AMN1: variants seen among roughly 807,000 people sequenced by gnomAD.
AMN1 encodes protein AMN1 homolog.
In AMN1, 20 loss-of-function variants were observed where a neutral mutation model predicts 33.0. The observed-to-expected ratio is 0.61, with a 90% CI of 0.43 to 0.88. The LOEUF is 0.88. Among genes scored for constraint, AMN1 ranks in the 40% least tolerant of loss-of-function variants. AMN1 has a pLI of 0.00. For missense variants in AMN1, 246 were observed against 307.4 expected, an observed-to-expected ratio of 0.80 and a Z score of 1.49; for synonymous variants, 114 against 111.9, an observed-to-expected ratio of 1.02 and a Z score of -0.12.
At chr12:31,720,703 T>C (rs978418115) in intron 1 of AMN1, among the ~76,000 whole-genome samples, 7 of 152,250 alleles carry the variant, frequency 4.6e-5, no homozygotes, top group African/African-American at 1.7e-4. Flanking sequence ...ATTAGCATCA[T>C]GTTTTCAAGG....
chr12:31,672,214 A>G lies in AMN1; in HGVS notation c.*90T>C, dbSNP rs1951287497. On this transcript the variant is annotated 3_prime_UTR_variant, in exon 7 of 7. Coordinates refer to ENST00000281471, the MANE Select transcript of AMN1 (RefSeq NM_001113402.2). Reference sequence around the variant, plus strand: ...AATAAAATAATTAAAAATAGTGTTAACATTAAGTAGAATGCAAATCTCTAT... The same window carrying G: ...AATAAAATAATTAAAAATAGTGTTAGCATTAAGTAGAATGCAAATCTCTAT... 1 of 833,048 alleles carries G rather than the reference A, an allele frequency of 1.2e-6. No homozygotes were observed. The highest frequency in any genetic ancestry group is 2.3e-5 in the Admixed American group (1 of 42,794). The allele number at this position is 833,048 out of a possible 1,614,324, so 51.6% of individuals were successfully genotyped here. A position where few individuals can be genotyped will look rare whatever the true frequency, so the allele number is the denominator to read the frequency against.
intron 6 of AMN1, among the ~76,000 whole-genome samples, chr12:31,682,144 T>G (rs1381077781): frequency 6.6e-6 from 1 of 152,216 alleles, no homozygotes; most frequent in Non-Finnish European, 1.5e-5. Flanking sequence ...AGCTATAGTA[T>G]TTCTCAGAGC....
chr12:31,717,937 G>T (rs1407533157), intron 1 of AMN1, among the ~76,000 whole-genome samples: 1 of 151,952 alleles, frequency 6.6e-6, no homozygotes, highest in Non-Finnish European at 1.5e-5. Context: ...TGTTCTCATT[G>T]TTCAACCTGA....
At chr12:31,674,695 T>C (rs1179958362) in intron 6 of AMN1, among the ~76,000 whole-genome samples, 2 of 152,098 alleles carry the variant, frequency 1.3e-5, no homozygotes, top group East Asian at 3.9e-4. Flanking sequence ...AACAAAGAAC[T>C]AAAACCACAT....
chr12:31,728,992 C>A lies in AMN1; in HGVS notation c.17G>T (p.Arg6Leu). The change falls in exon 1 of 7, where the codon CGG becomes CTG. Residue 6 changes from arginine (R) to leucine (L), a missense_variant. By Grantham distance (102) the Arg-to-Leu change is moderately radical. Coordinates refer to ENST00000281471, the MANE Select transcript of AMN1 (RefSeq NM_001113402.2). The stretch of plus-strand genomic sequence containing the variant: ...TCACAGATCCAGGAGCTGACTGACC[C>A]GCCGTGGGCGAGGCATCGCTGCAGC... Reference protein sequence around the residue: MPRPRRVSQLLDLCLW... With the variant: MPRPRLVSQLLDLCLW... 2.6e-6 allele frequency: 4 copies of A among 1,545,672 alleles called. No homozygotes were observed. Among genetic ancestry groups the A allele is most frequent in the Non-Finnish European group, 3.5e-6 (4 of 1,142,988 alleles).
At chr12:31,720,921 T>C (rs752605870) in intron 1 of AMN1, among the ~76,000 whole-genome samples, 62 of 152,228 alleles carry the variant, frequency 4.1e-4, no homozygotes, top group Non-Finnish European at 8.2e-4. Flanking sequence ...CAACTGGGTA[T>C]AGACTTAGAA....
intron 6 of AMN1, among the ~76,000 whole-genome samples, chr12:31,680,286 C>G (rs576936558): frequency 6.6e-6 from 1 of 151,500 alleles, no homozygotes; most frequent in Admixed American, 6.6e-5. Flanking sequence ...CTGCAACCTC[C>G]GCCTCCCGGG....
At chr12:31,726,451 G>A (rs1364975060) in intron 1 of AMN1, among the ~76,000 whole-genome samples, 1 of 152,140 alleles carries the variant, frequency 6.6e-6, no homozygotes, top group East Asian at 1.9e-4. Flanking sequence ...GTGAGCCACG[G>A]CCCCCAACTA....
chr12:31,728,870 G>A (rs974071958), intron 1 of AMN1, 101 bp downstream of exon 1: 2 of 1,353,888 alleles, frequency 1.5e-6, no homozygotes, highest in African/African-American at 1.4e-5. Flanking sequence ...AGGTCGGCGG[G>A]GGGGGTGGGA....
At position 31,689,054 on chromosome 12, in the gene AMN1, C is replaced by T. The variant is rs1938391167; in HGVS notation, c.656G>A (p.Cys219Tyr). The change falls in exon 6 of 7, where the codon TGT (cysteine) becomes TAT (tyrosine). Residue 219 changes from cysteine to tyrosine, a missense_variant. Coordinates refer to ENST00000281471, the MANE Select transcript of AMN1 (RefSeq NM_001113402.2). ...GAAGAGTAATATACGTATTTGAGGA[C>T]AGTAAGTAAGGACAGCTTCGACAGC... The part of the protein sequence containing the change: ...DGAVEAVLTY[C>Y]PQIRILLFHG... 2 of 1,613,474 alleles carry T rather than the reference C, an allele frequency of 1.2e-6. No homozygotes were observed. The highest frequency in any genetic ancestry group is 1.7e-6 in the Non-Finnish European group (2 of 1,179,692).
chr12:31,718,261 A>T (rs1188432193), intron 1 of AMN1, among the ~76,000 whole-genome samples: 1 of 151,896 alleles, frequency 6.6e-6, no homozygotes, highest in East Asian at 1.9e-4. Context: ...TTTCAGCTCC[A>T]TCAGGTCATT....
chr12:31,677,930 G>C (rs988502694), intron 6 of AMN1, among the ~76,000 whole-genome samples: 1 of 152,120 alleles, frequency 6.6e-6, no homozygotes, highest in Non-Finnish European at 1.5e-5. Flanking sequence ...AGATCATAAG[G>C]CCCTCATTCC....
intron 1 of AMN1, chr12:31,719,383 G>T: frequency 1.1e-6 from 1 of 933,986 alleles, no homozygotes; most frequent in African/African-American, 1.8e-5. Flanking sequence ...AAATTTTTCA[G>T]AAATTTCAAA....
At chr12:31,729,159 C>T (rs1004380580), upstream of AMN1, 7 of 832,832 alleles carry the variant, frequency 8.4e-6, no homozygotes, top group Admixed American at 5.8e-5. Context: ...ACGCTTCGGA[C>T]TCCACAAGGA....
intron 1 of AMN1, 56 bp downstream of exon 1, chr12:31,728,915 C>A: frequency 6.6e-7 from 1 of 1,523,610 alleles, no homozygotes; most frequent in South Asian, 1.2e-5. Context: ...CAGGGCCTGG[C>A]CGTTTGGAGG....
At chr12:31,701,798 T>TAC (rs768966912) in intron 3 of AMN1, 65 bp downstream of exon 3, 408 of 1,389,990 alleles carry the variant, frequency 2.9e-4, no homozygotes, top group Non-Finnish European at 3.7e-4. Flanking sequence ...TTTTCTCCCT[T>TAC]ACTCCACAAT....
At chr12:31,678,044 A>G (rs1937816409) in intron 6 of AMN1, among the ~76,000 whole-genome samples, 1 of 152,158 alleles carries the variant, frequency 6.6e-6, no homozygotes, top group South Asian at 2.1e-4. Flanking sequence ...CTATTAGTTC[A>G]TTCTCTTTTC....
chr12:31,682,920 C>T (rs1446185495), intron 6 of AMN1, among the ~76,000 whole-genome samples: 1 of 151,878 alleles, frequency 6.6e-6, no homozygotes, highest in Non-Finnish European at 1.5e-5. Flanking sequence ...CTTCTGGCAG[C>T]CACACAAAAA....
At chr12:31,694,961 A>T (rs540892383) in intron 5 of AMN1, among the ~76,000 whole-genome samples, 1 of 152,200 alleles carries the variant, frequency 6.6e-6, no homozygotes, top group Non-Finnish European at 1.5e-5. Context: ...AAACAAAACA[A>T]TTTTTTTAAA....
Sources: allele counts gnomAD v4.1 joint callset (sites outside exome capture counted in the v4.1 genomes callset), GRCh38; gene constraint gnomAD v4.1.1; transcripts MANE v1.5; gene names NCBI Gene and HGNC (gene_info 2026-07-23, HGNC 2026-07-21).